Variants in CWC27 observed in about 807,000 individuals in gnomAD.
The protein encoded by CWC27 is spliceosome-associated protein CWC27 homolog.
CWC27 carries 47 observed loss-of-function variants against 63.6 expected under a neutral mutation model. The observed-to-expected ratio is 0.74, with a 90% CI of 0.58 to 0.94. The LOEUF (loss-of-function observed/expected upper bound fraction) is 0.94, where lower values mean the gene tolerates loss of function less well. Ranked by LOEUF, CWC27 falls within the 40% of genes least tolerant of loss-of-function variation. The pLI, the probability that CWC27 is intolerant of heterozygous loss-of-function variation, is 0.00. For missense variants in CWC27, 495 were observed against 554.3 expected (o/e 0.89, Z 1.07); for synonymous variants, 175 against 179.8 (o/e 0.97, Z 0.22).
chr5:64,970,892 G>T (rs996913553), intron 11 of CWC27, among the ~76,000 whole-genome samples: 2 of 151,466 alleles, frequency 1.3e-5, no homozygotes, highest in East Asian at 2.0e-4. Context: ...CAGATTACTA[G>T]CATTCTTGAT....
chr5:64,960,365 A>G (rs917430503), intron 11 of CWC27, among the ~76,000 whole-genome samples: 1 of 152,204 alleles, frequency 6.6e-6, no homozygotes, highest in Non-Finnish European at 1.5e-5. Flanking sequence ...CATTGGCAAA[A>G]TGAAGTTCAT....
At chr5:64,814,977 A>G (rs1414006386) in intron 10 of CWC27, among the ~76,000 whole-genome samples, 1 of 152,108 alleles carries the variant, frequency 6.6e-6, no homozygotes, top group Non-Finnish European at 1.5e-5. Flanking sequence ...GTATATTTCA[A>G]ATATACCAAA....
chr5:64,940,608 AT>A (rs1294347749), intron 11 of CWC27, among the ~76,000 whole-genome samples: 2 of 151,742 alleles, frequency 1.3e-5, no homozygotes, highest in Non-Finnish European at 2.9e-5. Context: ...TTCACCAGTG[AT>A]TTTCTACTTC....
At chr5:64,885,616 G>GCCCGCTCC (rs1478767282) in intron 11 of CWC27, 70 bp downstream of exon 11, 3 of 1,107,134 alleles carry the variant, frequency 2.7e-6, no homozygotes, top group Non-Finnish European at 4.0e-6. Flanking sequence ...GCTCCTCCCT[G>GCCCGCTCC]CCCGCTCCCG....
intron 10 of CWC27, among the ~76,000 whole-genome samples, chr5:64,805,831 G>A (rs1744649996): frequency 6.6e-6 from 1 of 151,990 alleles, no homozygotes; most frequent in South Asian, 2.1e-4. Flanking sequence ...ATTAAGAAAA[G>A]TCAAAGTTTG....
chr5:64,867,240 T>G lies in CWC27; in HGVS notation c.939-18203T>G, dbSNP rs150185995. The stretch of plus-strand genomic sequence containing the variant: ...TGTTGAGCCAGGACTTTAACCCATA[T>G]TCTGGTTGCAAAGCTTATGATCTTC... On this transcript the variant is annotated intron_variant, in intron 10 of 13. Coordinates refer to ENST00000381070, the MANE Select transcript of CWC27 (RefSeq NM_005869.4). 1.7e-3 allele frequency among the ~76,000 whole-genome samples: 258 copies of G among 152,170 alleles called. 1 individual carries two copies. Among genetic ancestry groups the G allele is most frequent in the African/African-American group, 6.1e-3 (254 of 41,548 alleles).
chr5:64,822,764 G>T (rs531141662), intron 10 of CWC27, among the ~76,000 whole-genome samples: 1 of 152,126 alleles, frequency 6.6e-6, no homozygotes, highest in South Asian at 2.1e-4. Context: ...AGGATTCAAG[G>T]CTGGATTAAT....
At chr5:65,015,889 C>T (rs1160385657) in intron 13 of CWC27, among the ~76,000 whole-genome samples, 3 of 152,176 alleles carry the variant, frequency 2.0e-5, no homozygotes, top group African/African-American at 7.2e-5. Flanking sequence ...GACTGGCTGG[C>T]TTTCAGAAGC....
intron 11 of CWC27, among the ~76,000 whole-genome samples, chr5:64,891,401 C>T (rs948415167): frequency 1.3e-5 from 2 of 152,082 alleles, no homozygotes; most frequent in African/African-American, 4.8e-5. Context: ...TGCTAGAAAC[C>T]ATGCAATATT....
intron 10 of CWC27, among the ~76,000 whole-genome samples, chr5:64,805,089 A>G (rs1744616139): frequency 6.6e-6 from 1 of 152,040 alleles, no homozygotes; most frequent in East Asian, 1.9e-4. Context: ...TGGGGATAAT[A>G]TGAATGTAAC....
At chr5:64,905,310 G>A (rs550127970) in intron 11 of CWC27, among the ~76,000 whole-genome samples, 4 of 151,086 alleles carry the variant, frequency 2.6e-5, no homozygotes, top group African/African-American at 9.7e-5. Flanking sequence ...GCCCTTAATA[G>A]GAACATGTTA....
intron 11 of CWC27, among the ~76,000 whole-genome samples, chr5:64,914,491 C>T (rs1266268237): frequency 6.6e-6 from 1 of 151,958 alleles, no homozygotes; most frequent in Non-Finnish European, 1.5e-5. Flanking sequence ...AGGCGCTTCA[C>T]AAAGGAAAAT....
intron 10 of CWC27, among the ~76,000 whole-genome samples, chr5:64,870,062 G>C (rs564719083): frequency 3.0e-4 from 45 of 152,206 alleles, no homozygotes; most frequent in African/African-American, 1.1e-3. Context: ...ATATGCAAGA[G>C]CTGAATAATT....
At chr5:64,885,671 T>C in intron 11 of CWC27, 125 bp downstream of exon 11, 1 of 691,252 alleles carries the variant, frequency 1.4e-6, no homozygotes, top group Non-Finnish European at 2.5e-6. Context: ...TTTTCTTCCC[T>C]CTTTCTTTCC....
chr5:64,809,550 G>A (rs1744805039), intron 10 of CWC27, among the ~76,000 whole-genome samples: 1 of 152,058 alleles, frequency 6.6e-6, no homozygotes, highest in South Asian at 2.1e-4. Flanking sequence ...TGTATTTTCA[G>A]TAGAGACAGG....
At chr5:64,834,832 C>T (rs905174796) in intron 10 of CWC27, among the ~76,000 whole-genome samples, 1 of 151,682 alleles carries the variant, frequency 6.6e-6, no homozygotes, top group African/African-American at 2.4e-5. Context: ...CAAAAGCAAG[C>T]TTTATATTTG....
chr5:64,893,447 T>G (rs1747289281), intron 11 of CWC27, among the ~76,000 whole-genome samples: 1 of 152,232 alleles, frequency 6.6e-6, no homozygotes, highest in Non-Finnish European at 1.5e-5. Context: ...CTGCATGGTA[T>G]CAGGTTGATT....
At chr5:64,851,413 C>T (rs546171864) in intron 10 of CWC27, among the ~76,000 whole-genome samples, 4 of 152,156 alleles carry the variant, frequency 2.6e-5, no homozygotes, top group Admixed American at 1.3e-4. Context: ...AATAGGGAGA[C>T]GATGCTCACA....
At chr5:64,985,116 A>G (rs1205096115) in intron 13 of CWC27, among the ~76,000 whole-genome samples, 1 of 152,144 alleles carries the variant, frequency 6.6e-6, no homozygotes, top group East Asian at 1.9e-4. Context: ...TGGACTCTCT[A>G]TTCTGTTGCA....
Sources: gnomAD v4.1 joint callset for allele counts (sites outside exome capture counted in the v4.1 genomes callset) on GRCh38, gnomAD v4.1.1 for gene constraint, MANE v1.5 for transcripts, NCBI Gene and HGNC (gene_info 2026-07-23, HGNC 2026-07-21) for gene names.